VRK1: variants seen among roughly 807,000 people sequenced by gnomAD.
VRK1 encodes serine/threonine-protein kinase VRK1.
VRK1 carries 33 observed loss-of-function variants against 57.1 expected under a neutral mutation model. The observed-to-expected ratio is 0.58, with a 90% confidence interval of 0.44 to 0.77. The LOEUF is 0.77. VRK1 is among the 30% of genes least tolerant of loss of function. The pLI, the probability that VRK1 is intolerant of heterozygous loss-of-function variation, is 0.00. For missense variants in VRK1, 413 were observed against 477.3 expected, an observed-to-expected ratio of 0.87 and a Z score of 1.25; for synonymous variants, 137 against 147.8, an observed-to-expected ratio of 0.93 and a Z score of 0.53.
At chr14:96,872,443 G>A (rs934757592) in intron 11 of VRK1, among the ~76,000 whole-genome samples, 1 of 152,132 alleles carries the variant, frequency 6.6e-6, no homozygotes, top group Non-Finnish European at 1.5e-5. Flanking sequence ...AACATACGTA[G>A]TAGAAGAGAA....
intron 1 of VRK1, among the ~76,000 whole-genome samples, chr14:96,829,232 A>G (rs1886915930): frequency 6.6e-6 from 1 of 150,380 alleles, no homozygotes; most frequent in African/African-American, 2.4e-5. Flanking sequence ...TTGAGAGGGA[A>G]GTGGGAATGG....
At chr14:96,803,523 G>A (rs1885750679) in intron 1 of VRK1, among the ~76,000 whole-genome samples, 1 of 151,998 alleles carries the variant, frequency 6.6e-6, no homozygotes. Flanking sequence ...CTCTTAACTG[G>A]CTCCAATTTA....
At chr14:96,815,900 ATCT>A (rs1420664585) in intron 1 of VRK1, among the ~76,000 whole-genome samples, 1 of 151,818 alleles carries the variant, frequency 6.6e-6, no homozygotes, top group Admixed American at 6.6e-5. Context: ...AAAAAAAAAA[ATCT>A]TCTTGCTCTG....
intron 4 of VRK1, 46 bp from the exon 5 acceptor site, chr14:96,847,211 T>C (rs1233350727): frequency 7.3e-6 from 11 of 1,513,426 alleles, no homozygotes; most frequent in Admixed American, 1.7e-5. Flanking sequence ...AAAATTATCA[T>C]TTATGTATAA....
chr14:96,846,196 T>G (rs754286075), intron 4 of VRK1, 32 bp downstream of exon 4: 41 of 1,605,134 alleles, frequency 2.6e-5, no homozygotes. Context: ...CGTTTACACT[T>G]TTAAAATGAC....
At chr14:96,828,763 T>G (rs922616534) in intron 1 of VRK1, among the ~76,000 whole-genome samples, 10 of 152,202 alleles carry the variant, frequency 6.6e-5, no homozygotes, top group Non-Finnish European at 1.2e-4. Flanking sequence ...TCTTTTGTGT[T>G]TCTCAAGATG....
chr14:96,845,972 A>T (rs1021216884), intron 3 of VRK1, 123 bp from the exon 4 acceptor site: 31 of 872,112 alleles, frequency 3.6e-5, no homozygotes, highest in Non-Finnish European at 5.7e-5. Flanking sequence ...ACACAGTTAT[A>T]AACTTAAGTA....
intron 11 of VRK1, among the ~76,000 whole-genome samples, chr14:96,874,496 G>A (rs189840609): frequency 5.3e-5 from 8 of 152,262 alleles, no homozygotes; most frequent in Non-Finnish European, 8.8e-5. Context: ...AAAGATGTAA[G>A]GCATTCTCCC....
intron 11 of VRK1, among the ~76,000 whole-genome samples, chr14:96,867,579 C>T (rs567863136): frequency 1.3e-5 from 2 of 152,002 alleles, no homozygotes; most frequent in Admixed American, 1.3e-4. Context: ...CTGTCTTAGA[C>T]GCTTGAACAA....
chr14:96,838,293 A>G (rs188658298), intron 3 of VRK1, among the ~76,000 whole-genome samples: 51 of 152,094 alleles, frequency 3.4e-4, no homozygotes, highest in Middle Eastern at 6.8e-3. Flanking sequence ...CTTTTTTGCT[A>G]TAATAATGTT....
intron 5 of VRK1, 75 bp from the exon 6 acceptor site, chr14:96,852,756 C>T: frequency 9.7e-7 from 1 of 1,032,336 alleles, no homozygotes; most frequent in Non-Finnish European, 1.5e-6. Flanking sequence ...GAAAAAATTA[C>T]TTTGAGAGTA....
At position 96,876,066 on chromosome 14, in the gene VRK1, G is replaced by C; in HGVS notation, c.1105G>C (p.Gly369Arg). ...KKEIEESKEPGVEDTEWSNTQ... is the reference protein window; with the variant it reads ...KKEIEESKEPRVEDTEWSNTQ... ...AGAAATTGAAGAAAGCAAGGAACCT[G>C]GTGTTGAAGATACGGAATGGTCAAA... Residue 369 changes from glycine to arginine, a missense_variant, in exon 12 of 13, where the codon GGT (glycine) becomes CGT (arginine). By Grantham distance (125) the Gly-to-Arg change is moderately radical (BLOSUM62 -2). Coordinates refer to ENST00000216639, the MANE Select transcript of VRK1 (RefSeq NM_003384.3). The C allele has an allele frequency of 1.2e-6, 2 of 1,613,638 alleles. No homozygotes were observed. Among genetic ancestry groups the C allele is most frequent in the African/African-American group, 1.3e-5 (1 of 75,010 alleles).
At position 96,876,011 on chromosome 14, in the gene VRK1, C is replaced by G; in HGVS notation, c.1069-19C>G. ...GACTGTCAGATATCTCTCTCTCTCT[C>G]TTTAATTTTATATGTAAGAAGCGAA... On this transcript the variant is annotated intron_variant, in intron 11 of 12. Coordinates refer to ENST00000216639, the MANE Select transcript of VRK1 (RefSeq NM_003384.3). 6.2e-7 allele frequency: 1 copy of G among 1,609,558 alleles called. No individual in the cohort carries two copies. Among genetic ancestry groups the G allele is most frequent in the African/African-American group, 1.3e-5 (1 of 74,900 alleles).
At chr14:96,868,685 A>G (rs541276907) in intron 11 of VRK1, among the ~76,000 whole-genome samples, 20 of 152,318 alleles carry the variant, frequency 1.3e-4, no homozygotes, top group African/African-American at 4.3e-4. Context: ...AATTTCTTGA[A>G]GTAATGAAAG....
At chr14:96,797,608 C>T (rs1231590200) in intron 1 of VRK1, among the ~76,000 whole-genome samples, 161 bp downstream of exon 1, 2 of 152,004 alleles carry the variant, frequency 1.3e-5, no homozygotes, top group Admixed American at 1.3e-4. Flanking sequence ...CGCGGGACCG[C>T]GCTCCGCCGC....
chr14:96,830,792 C>T (rs1388074434), intron 1 of VRK1, among the ~76,000 whole-genome samples: 2 of 152,168 alleles, frequency 1.3e-5, no homozygotes, highest in Admixed American at 1.3e-4. Flanking sequence ...TTCTCTAGAT[C>T]CCACTCTTCA....
At chr14:96,811,552 A>G (rs1886206160) in intron 1 of VRK1, among the ~76,000 whole-genome samples, 1 of 152,176 alleles carries the variant, frequency 6.6e-6, no homozygotes, top group Non-Finnish European at 1.5e-5. Context: ...AAATTACTGT[A>G]TAATATGTTT....
intron 1 of VRK1, among the ~76,000 whole-genome samples, chr14:96,798,075 GC>G (rs1229700895): frequency 5.3e-5 from 8 of 152,162 alleles, no homozygotes; most frequent in African/African-American, 1.9e-4. Context: ...CCGCGAGGCC[GC>G]CCGTTATTTC....
intron 3 of VRK1, among the ~76,000 whole-genome samples, chr14:96,840,044 A>G (rs1343940989): frequency 6.6e-6 from 1 of 152,142 alleles, no homozygotes; most frequent in Non-Finnish European, 1.5e-5. Flanking sequence ...CGTGAAGGAT[A>G]TTGGTCTTTC....
Sources: gnomAD v4.1 joint callset for allele counts (sites outside exome capture counted in the v4.1 genomes callset) on GRCh38, gnomAD v4.1.1 for gene constraint, MANE v1.5 for transcripts, NCBI Gene and HGNC (gene_info 2026-07-23, HGNC 2026-07-21) for gene names.